Variants in FBXL20 observed in about 807,000 individuals in gnomAD.
FBXL20 encodes the protein F-box and leucine rich repeat protein 20.
A neutral mutation model predicts 64.0 loss-of-function variants in FBXL20; 11 were observed. The ratio of observed to expected loss-of-function variants is 0.17; its 90% confidence interval spans 0.11 to 0.28. The LOEUF is 0.28. FBXL20 is among the 10% of genes least tolerant of loss of function. The pLI, the probability that FBXL20 is intolerant of heterozygous loss-of-function variation, is 1.00. For missense variants in FBXL20, 303 were observed against 526.2 expected, an observed-to-expected ratio of 0.58 and a Z score of 4.15; for synonymous variants, 184 against 189.0, an observed-to-expected ratio of 0.97 and a Z score of 0.22.
chr17:39,371,306 A>C (rs2047916353), intron 1 of FBXL20, among the ~76,000 whole-genome samples: 1 of 152,224 alleles, frequency 6.6e-6, no homozygotes, highest in South Asian at 2.1e-4. Context: ...TTTTTAAAAA[A>C]TCAAAACTTA....
Position 39,264,177 on chromosome 17 carries a change from T to C in FBXL20, c.1201A>G (p.Arg401Gly). 2 of 1,614,116 alleles carry C rather than the reference T, an allele frequency of 1.2e-6. No homozygotes were observed. Among genetic ancestry groups the C allele is most frequent in the Non-Finnish European group, 8.5e-7 (1 of 1,179,922 alleles). Reference sequence around the variant, plus strand: ...GAGAGTTATGTAGCCATTTTTACCCTGAGTCTCTTGATTCCAGCCCGTGTG... The same window carrying C: ...GAGAGTTATGTAGCCATTTTTACCCCGAGTCTCTTGATTCCAGCCCGTGTG... ...QITRAGIKRL[R>G]THLPNIKVHA... Residue 401 changes from arginine to glycine, a missense_variant and splice_region_variant, in exon 14 of 15, where the codon AGG (arginine) becomes GGG (glycine). Arg to Gly is a moderately radical substitution (Grantham distance 125). Coordinates refer to ENST00000264658, the MANE Select transcript of FBXL20 (RefSeq NM_032875.3).
intron 2 of FBXL20, among the ~76,000 whole-genome samples, chr17:39,333,971 T>C (rs1321571365): frequency 6.6e-6 from 1 of 152,178 alleles, no homozygotes; most frequent in Non-Finnish European, 1.5e-5. Context: ...CTGGGAGGTA[T>C]ACCCAACAGC....
At chr17:39,359,932 G>C (rs1418369809) in intron 1 of FBXL20, among the ~76,000 whole-genome samples, 1 of 151,858 alleles carries the variant, frequency 6.6e-6, no homozygotes, top group Non-Finnish European at 1.5e-5. Context: ...GGAATATTTA[G>C]TATTAAAAAG....
Position 39,282,868 on chromosome 17 carries a change from CA to C in FBXL20, c.495-14del. On this transcript the variant is annotated splice_polypyrimidine_tract_variant and intron_variant, in intron 7 of 14. Coordinates refer to ENST00000264658, the MANE Select transcript of FBXL20 (RefSeq NM_032875.3). Reference sequence around the variant, plus strand: ...TGGACATCCCTCACTTAGGATAAAACAAAATAAGAGAAACATATCACTAAAT... The same window carrying C: ...TGGACATCCCTCACTTAGGATAAAACAAATAAGAGAAACATATCACTAAAT... The C allele has an allele frequency of 6.2e-7, 1 of 1,613,854 alleles. No individual in the cohort carries two copies. Among genetic ancestry groups the C allele is most frequent in the Non-Finnish European group, 8.5e-7 (1 of 1,179,852 alleles).
chr17:39,293,595 G>C (rs997823522), intron 6 of FBXL20, among the ~76,000 whole-genome samples: 4 of 152,086 alleles, frequency 2.6e-5, no homozygotes, highest in Non-Finnish European at 5.9e-5. Flanking sequence ...CTACCACCAA[G>C]GTGTAATCTT....
intron 1 of FBXL20, among the ~76,000 whole-genome samples, chr17:39,347,303 C>T (rs929532493): frequency 8.5e-5 from 13 of 152,168 alleles, no homozygotes; most frequent in Non-Finnish European, 1.8e-4. Flanking sequence ...TTTACAGTCC[C>T]ACCAACAGTG....
intron 1 of FBXL20, among the ~76,000 whole-genome samples, chr17:39,361,340 G>A (rs1438246919): frequency 6.6e-6 from 1 of 152,106 alleles, no homozygotes; most frequent in East Asian, 1.9e-4. Context: ...TAGCTGAATA[G>A]TTTGATAAAC....
chr17:39,303,559 C>T, intron 3 of FBXL20, 26 bp downstream of exon 3: 1 of 1,597,782 alleles, frequency 6.3e-7, no homozygotes, highest in Non-Finnish European at 8.5e-7. Flanking sequence ...AAGGGGTCCC[C>T]CTGTAACTAT....
chr17:39,395,631 T>C lies in FBXL20; in HGVS notation c.42+5730A>G, dbSNP rs1202435115. 3.3e-5 allele frequency among the ~76,000 whole-genome samples: 5 copies of C among 152,144 alleles called. No individual in the cohort carries two copies. The East Asian group carries it at 7.7e-4, about 23-fold the overall frequency. ...TTAGTTTCACCAGTACTCAATCCCA[T>C]TGCAAAGGTTTTCAAAAGAAACAAA... is the stretch of plus-strand genomic sequence containing the variant. On this transcript the variant is annotated intron_variant, in intron 1 of 14. Coordinates refer to ENST00000264658, the MANE Select transcript of FBXL20 (RefSeq NM_032875.3).
rs2046739425 is a variant in FBXL20, at chr17:39,260,883, C to T, written c.*577G>A. On this transcript the variant is annotated 3_prime_UTR_variant, in exon 15 of 15. Transcript: ENST00000264658. Reference sequence around the variant, plus strand: ...ATTTAGGAAACCTCTGGGCCAAATACTAAAACACAGGAGGAATGGACGAGC... The same window carrying T: ...ATTTAGGAAACCTCTGGGCCAAATATTAAAACACAGGAGGAATGGACGAGC... 6.4e-6 allele frequency: 1 copy of T among 155,556 alleles called. No homozygotes were observed. The highest frequency in any genetic ancestry group is 2.4e-5 in the African/African-American group (1 of 41,440). 9.6% of individuals were successfully genotyped at this position (155,556 alleles called of 1,614,324 possible).
chr17:39,299,316 C>T (rs1057298844), intron 4 of FBXL20, among the ~76,000 whole-genome samples: 1 of 152,142 alleles, frequency 6.6e-6, no homozygotes, highest in African/African-American at 2.4e-5. Context: ...ATATTCTGTA[C>T]TTGAGAAAAT....
chr17:39,382,392 C>T (rs1214858327), intron 1 of FBXL20, among the ~76,000 whole-genome samples: 1 of 145,296 alleles, frequency 6.9e-6, no homozygotes, highest in African/African-American at 2.5e-5. Context: ...GCAGTGAGCC[C>T]AGATCGCGCC....
At chr17:39,389,909 G>T (rs914308993) in intron 1 of FBXL20, among the ~76,000 whole-genome samples, 2 of 152,152 alleles carry the variant, frequency 1.3e-5, no homozygotes, top group African/African-American at 4.8e-5. Flanking sequence ...AAGGAAGAAT[G>T]ACCCATTTCT....
intron 1 of FBXL20, among the ~76,000 whole-genome samples, chr17:39,344,536 A>G (rs1400787814): frequency 6.6e-6 from 1 of 152,032 alleles, no homozygotes; most frequent in African/African-American, 2.4e-5. Flanking sequence ...TTGTAATCCC[A>G]GCACTTTGGC....
intron 2 of FBXL20, among the ~76,000 whole-genome samples, chr17:39,325,368 T>A (rs1205171062): frequency 6.6e-6 from 1 of 152,154 alleles, no homozygotes; most frequent in African/African-American, 2.4e-5. Flanking sequence ...TTTTAAATAA[T>A]CAAACATAAA....
chr17:39,263,435 A>G lies in FBXL20; in HGVS notation c.1203+740T>C, dbSNP rs149215728. Among the ~76,000 whole-genome samples, 319 of 152,194 alleles carry G rather than the reference A, an allele frequency of 2.1e-3. 1 individual carries two copies. Among genetic ancestry groups the G allele is most frequent in the African/African-American group, 7.4e-3 (309 of 41,524 alleles). On this transcript the variant is annotated intron_variant, in intron 14 of 14. Coordinates refer to ENST00000264658, the MANE Select transcript of FBXL20 (RefSeq NM_032875.3). ...GAGGCTGGGGTGGCAGGAAGCCTTG[A>G]GCCTGGGAGACAGAGGTTGCAGTGA...
At chr17:39,321,699 G>C (rs1315564134) in intron 2 of FBXL20, among the ~76,000 whole-genome samples, 1 of 149,874 alleles carries the variant, frequency 6.7e-6, no homozygotes, top group African/African-American at 2.4e-5. Context: ...AAAATCGCTT[G>C]AACCTGGGAG....
At chr17:39,362,092 C>T (rs914549873) in intron 1 of FBXL20, among the ~76,000 whole-genome samples, 1 of 150,792 alleles carries the variant, frequency 6.6e-6, no homozygotes, top group Non-Finnish European at 1.5e-5. Context: ...TCGAGACCAT[C>T]CTGGCTAACA....
At chr17:39,363,200 G>A (rs1301581980) in intron 1 of FBXL20, among the ~76,000 whole-genome samples, 2 of 151,508 alleles carry the variant, frequency 1.3e-5, no homozygotes, top group Non-Finnish European at 2.9e-5. Context: ...TTTTAGTAGA[G>A]ACAGGGTTTC....
Sources: gnomAD v4.1 joint callset for allele counts (sites outside exome capture counted in the v4.1 genomes callset) on GRCh38, gnomAD v4.1.1 for gene constraint, MANE v1.5 for transcripts, NCBI Gene and HGNC (gene_info 2026-07-23, HGNC 2026-07-21) for gene names.